The following TAFA1 variants were observed in gnomAD, a reference collection of about 807,000 sequenced individuals.
TAFA1 encodes the protein TAFA chemokine like family member 1.
TAFA1 carries 4 observed loss-of-function variants against 18.5 expected under a neutral mutation model. The ratio of observed to expected loss-of-function variants is 0.22; its 90% CI spans 0.11 to 0.49. TAFA1 has a LOEUF of 0.49. Among genes scored for constraint, TAFA1 ranks in the 20% least tolerant of loss-of-function variants. The pLI is 0.98. For missense variants in TAFA1, 147 were observed against 169.0 expected, an observed-to-expected ratio of 0.87 and a Z score of 0.72; for synonymous variants, 56 against 55.2, an observed-to-expected ratio of 1.01 and a Z score of -0.06.
intron 2 of TAFA1, among the ~76,000 whole-genome samples, chr3:68,052,734 C>T (rs1022579724): frequency 6.6e-6 from 1 of 152,128 alleles, no homozygotes; most frequent in African/African-American, 2.4e-5. Context: ...AAGACAACAT[C>T]CTCTATCTGA....
Position 68,242,472 on chromosome 3 carries a change from G to C in TAFA1, c.119-174808G>C, listed in dbSNP as rs370118944. ...AAATTAGCAGTGTCTAAATTAATGA[G>C]GTTTTACTGTATATTAAAGTATAAT... On this transcript the variant is annotated intron_variant, in intron 2 of 4. Transcript: ENST00000478136. Among the ~76,000 whole-genome samples, 196 of 152,188 alleles carry C rather than the reference G, an allele frequency of 1.3e-3. 4 individuals are homozygous for C. The South Asian group carries it at 0.04, about 31-fold the overall frequency.
chr3:68,444,598 T>C (rs2036809), intron 3 of TAFA1, among the ~76,000 whole-genome samples: 5 of 152,004 alleles, frequency 3.3e-5, no homozygotes, highest in Non-Finnish European at 7.4e-5. Flanking sequence ...TCTATATGCA[T>C]GTAATATAAA....
chr3:68,276,644 C>A (rs954617353), intron 2 of TAFA1, among the ~76,000 whole-genome samples: 8 of 152,114 alleles, frequency 5.3e-5, no homozygotes, highest in Non-Finnish European at 1.2e-4. Context: ...GATGAGACAT[C>A]CATCAATGTA....
At chr3:68,171,088 G>T (rs1575658824) in intron 2 of TAFA1, among the ~76,000 whole-genome samples, 1 of 152,142 alleles carries the variant, frequency 6.6e-6, no homozygotes, top group African/African-American at 2.4e-5. Context: ...TGGCAAGGAG[G>T]AATTCAGGTT....
intron 2 of TAFA1, among the ~76,000 whole-genome samples, chr3:68,235,023 A>G (rs1207058772): frequency 6.6e-6 from 1 of 152,126 alleles, no homozygotes; most frequent in Non-Finnish European, 1.5e-5. Context: ...CCCACCTTGT[A>G]TGCACACACG....
rs573401003 is a variant in TAFA1 at position 68,337,352 on chromosome 3, C to T, written c.119-79928C>T. Reference sequence around the variant, plus strand: ...TTTAAACAATCATATCTCATGAGACCTCACTTACTGTCACGAGTAGAACAA... The same window carrying T: ...TTTAAACAATCATATCTCATGAGACTTCACTTACTGTCACGAGTAGAACAA... On this transcript the variant is annotated intron_variant, in intron 2 of 4. Coordinates refer to ENST00000478136, the MANE Select transcript of TAFA1 (RefSeq NM_213609.4). 2.6e-5 allele frequency among the ~76,000 whole-genome samples: 4 copies of T among 152,128 alleles called. No individual in the cohort carries two copies. In the East Asian group the frequency reaches 7.8e-4, roughly 30 times the overall value.
At chr3:67,992,214 C>A in the TAFA1 span, among the ~76,000 whole-genome samples, 2 of 152,298 alleles carry the variant, frequency 1.3e-5, no homozygotes, top group East Asian at 1.9e-4. Flanking sequence ...TTACAATAAG[C>A]AAATCCTCCT....
At chr3:68,135,713 C>G (rs529293834) in intron 2 of TAFA1, among the ~76,000 whole-genome samples, 5 of 152,138 alleles carry the variant, frequency 3.3e-5, no homozygotes, top group Non-Finnish European at 7.4e-5. Context: ...AGGATTAAAC[C>G]ATTTTGGCTT....
intron 2 of TAFA1, among the ~76,000 whole-genome samples, chr3:68,178,952 G>A (rs113196170): frequency 1.3e-5 from 2 of 152,140 alleles, no homozygotes; most frequent in Admixed American, 6.5e-5. Flanking sequence ...CCAAACACAC[G>A]TCTGGGGCTA....
In TAFA1 at chr3:68,134,741, A is replaced by G. The variant is rs114014526; in HGVS notation, c.118+127997A>G. On this transcript the variant is annotated intron_variant, in intron 2 of 4. Coordinates refer to ENST00000478136, the MANE Select transcript of TAFA1 (RefSeq NM_213609.4). ...TGGAAAAATTCTAGATGCTGGGGAGATATTAAAAGGAAATATAAGAGATAG... is the reference window on the plus strand; with the variant it reads ...TGGAAAAATTCTAGATGCTGGGGAGGTATTAAAAGGAAATATAAGAGATAG... Among the ~76,000 whole-genome samples the G allele has an allele frequency of 9.4e-3, 1,429 of 152,292 alleles. 24 individuals carry two copies. The highest frequency in any genetic ancestry group is 0.033 in the African/African-American group (1,375 of 41,562).
At chr3:68,066,602 A>G (rs1156811523) in intron 2 of TAFA1, among the ~76,000 whole-genome samples, 1 of 152,234 alleles carries the variant, frequency 6.6e-6, no homozygotes, top group Non-Finnish European at 1.5e-5. Flanking sequence ...ATACAGAATA[A>G]CCAGGTAGAA....
At chr3:68,196,600 A>G (rs2066413467) in intron 2 of TAFA1, among the ~76,000 whole-genome samples, 1 of 151,742 alleles carries the variant, frequency 6.6e-6, no homozygotes, top group Admixed American at 6.6e-5. Flanking sequence ...TGATGTTGTC[A>G]TATTTCTGCC....
intron 3 of TAFA1, among the ~76,000 whole-genome samples, chr3:68,486,900 C>T (rs1311663079): frequency 1.3e-5 from 2 of 152,146 alleles, no homozygotes; most frequent in African/African-American, 2.4e-5. Context: ...TATTGGTATG[C>T]TCATTTTTAA....
intron 2 of TAFA1, among the ~76,000 whole-genome samples, chr3:68,106,353 C>G (rs1211567528): frequency 6.6e-6 from 1 of 152,180 alleles, no homozygotes; most frequent in East Asian, 1.9e-4. Flanking sequence ...AATGCAGTAG[C>G]CACCAGCCAA....
intron 2 of TAFA1, among the ~76,000 whole-genome samples, chr3:68,148,955 G>T (rs1158076336): frequency 6.6e-6 from 1 of 152,128 alleles, no homozygotes; most frequent in Admixed American, 6.5e-5. Context: ...ATACATAAAA[G>T]AAATTTTTAA....
chr3:68,213,918 T>C (rs1351419944), intron 2 of TAFA1, among the ~76,000 whole-genome samples: 1 of 152,088 alleles, frequency 6.6e-6, no homozygotes, highest in Non-Finnish European at 1.5e-5. Flanking sequence ...GATTTTTGCC[T>C]GCCTTAACCT....
chr3:68,358,858 A>G (rs1011640505), intron 2 of TAFA1, among the ~76,000 whole-genome samples: 4 of 147,654 alleles, frequency 2.7e-5, no homozygotes, highest in African/African-American at 1.0e-4. Flanking sequence ...GTTGTCACCA[A>G]TTGAGTGATC....
chr3:68,018,841 T>C (rs1704622413), intron 2 of TAFA1, among the ~76,000 whole-genome samples: 1 of 152,190 alleles, frequency 6.6e-6, no homozygotes, highest in Non-Finnish European at 1.5e-5. Flanking sequence ...AGTTGGGAGT[T>C]TTGCCAGCTT....
intron 2 of TAFA1, among the ~76,000 whole-genome samples, chr3:68,093,674 TTCCCCCAG>T (rs2065053846): frequency 1.3e-5 from 2 of 152,084 alleles, no homozygotes; most frequent in African/African-American, 4.8e-5. Context: ...GCTAGTTGCA[TTCCCCCAG>T]AGCTATAGGT....
Sources: allele counts gnomAD v4.1 joint callset (sites outside exome capture counted in the v4.1 genomes callset), GRCh38; gene constraint gnomAD v4.1.1; transcripts MANE v1.5; gene names NCBI Gene and HGNC (gene_info 2026-07-23, HGNC 2026-07-21).